Variants in SCN2A observed in about 807,000 individuals in gnomAD.
SCN2A encodes the protein sodium channel protein type 2 subunit alpha.
Under a neutral mutation model 188.7 loss-of-function variants are expected in SCN2A, and 20 were observed. The ratio of observed to expected loss-of-function variants is 0.11; its 90% CI spans 0.07 to 0.15. The LOEUF (loss-of-function observed/expected upper bound fraction) is 0.15. SCN2A is among the 10% of genes least tolerant of loss of function. The pLI is 1.00. For synonymous variants in SCN2A, 804 were observed against 833.1 expected, an observed-to-expected ratio of 0.97 and a Z score of 0.60; for missense variants, 1,278 against 2,445.0, an observed-to-expected ratio of 0.52 and a Z score of 10.07.
chr2:165,288,920 C>T (rs1695976498), intron 1 of SCN2A, among the ~76,000 whole-genome samples: 1 of 151,942 alleles, frequency 6.6e-6, no homozygotes, highest in South Asian at 2.1e-4. Context: ...TTTATGTTTA[C>T]ATTACTGTAA....
chr2:165,255,485 C>T (rs1272299184), intron 1 of SCN2A, among the ~76,000 whole-genome samples: 4 of 151,802 alleles, frequency 2.6e-5, no homozygotes, highest in Non-Finnish European at 4.4e-5. Context: ...TTACTAACCA[C>T]GATTATTAAA....
chr2:165,380,297 G>A (rs1276425401), intron 23 of SCN2A, among the ~76,000 whole-genome samples: 1 of 151,844 alleles, frequency 6.6e-6, no homozygotes, highest in Admixed American at 6.6e-5. Context: ...TTTGCATGCT[G>A]TGTTGGGAAC....
chr2:165,320,815 C>T lies in SCN2A; in HGVS notation c.1672-2341C>T, dbSNP rs1408254558. Among the ~76,000 whole-genome samples, 5 of 152,320 alleles carry T rather than the reference C, an allele frequency of 3.3e-5. No individual in the cohort carries two copies. The Middle Eastern group carries it at 0.01, about 311-fold the overall frequency. Reference sequence around the variant, plus strand: ...CCGGCACATGAAACCACTTTTTCCTCCTAGGCCTCCGAGCCTGTGACGGGA... The same window carrying T: ...CCGGCACATGAAACCACTTTTTCCTTCTAGGCCTCCGAGCCTGTGACGGGA... On this transcript the variant is annotated intron_variant, in intron 11 of 26. Coordinates refer to ENST00000375437, the MANE Select transcript of SCN2A (RefSeq NM_001040142.2).
At chr2:165,240,553 C>G (rs1423729206) in intron 1 of SCN2A, among the ~76,000 whole-genome samples, 1 of 151,974 alleles carries the variant, frequency 6.6e-6, no homozygotes, top group Non-Finnish European at 1.5e-5. Context: ...TATTTAAAAA[C>G]CACTGATTTT....
intron 18 of SCN2A, among the ~76,000 whole-genome samples, chr2:165,366,877 T>C (rs1700759096): frequency 6.6e-6 from 1 of 152,128 alleles, no homozygotes; most frequent in Non-Finnish European, 1.5e-5. Context: ...AAAGTGTCCA[T>C]ATAGAGTGGA....
intron 16 of SCN2A, among the ~76,000 whole-genome samples, chr2:165,345,135 C>T (rs1259940701): frequency 6.6e-6 from 1 of 152,128 alleles, no homozygotes; most frequent in East Asian, 1.9e-4. Context: ...ATCCTTCTTG[C>T]TACAAGGAGA....
intron 13 of SCN2A, among the ~76,000 whole-genome samples, chr2:165,328,836 A>C (rs1434822015): frequency 6.6e-6 from 1 of 152,100 alleles, no homozygotes; most frequent in African/African-American, 2.4e-5. Flanking sequence ...AATAATGGCC[A>C]AGTTTTTATT....
rs1574572514 is a variant in SCN2A at position 165,315,648 on chromosome 2, G to C, written c.1561G>C (p.Asp521His). ...KEQSGEEEKNDRVRKSESEDS... is the reference protein window; with the variant it reads ...KEQSGEEEKNHRVRKSESEDS... The stretch of plus-strand genomic sequence containing the variant: ...ACAGTCTGGAGAAGAAGAGAAAAAT[G>C]ACAGAGTCCGAAAATCGGAATCTGA... The change falls in exon 11 of 27, where the codon GAC (aspartate) becomes CAC (histidine). Residue 521 changes from aspartate to histidine, a missense_variant. Physicochemically the swap from Asp to His is moderately conservative, Grantham distance 81. Coordinates refer to ENST00000375437, the MANE Select transcript of SCN2A (RefSeq NM_001040142.2). The C allele has an allele frequency of 6.2e-7, 1 of 1,614,044 alleles. No homozygotes were observed. Among genetic ancestry groups the C allele is most frequent in the Non-Finnish European group, 8.5e-7 (1 of 1,179,972 alleles).
intron 17 of SCN2A, among the ~76,000 whole-genome samples, chr2:165,364,081 A>T (rs1040087196): frequency 6.6e-6 from 1 of 152,164 alleles, no homozygotes; most frequent in Non-Finnish European, 1.5e-5. Context: ...TACAGCATCC[A>T]TCTTATTCTA....
At chr2:165,322,695 A>T (rs774734373) in intron 11 of SCN2A, among the ~76,000 whole-genome samples, 55 of 152,220 alleles carry the variant, frequency 3.6e-4, no homozygotes, top group Admixed American at 1.2e-3. Flanking sequence ...TAAGATTTGC[A>T]TCAGGGTGTG....
At chr2:165,302,949 C>T (rs1316060879) in intron 3 of SCN2A, among the ~76,000 whole-genome samples, 2 of 152,134 alleles carry the variant, frequency 1.3e-5, no homozygotes, top group South Asian at 2.1e-4. Flanking sequence ...TTATGTATAC[C>T]TGGCATAAAG....
chr2:165,350,016 G>C (rs1699803158), intron 16 of SCN2A, among the ~76,000 whole-genome samples: 1 of 152,220 alleles, frequency 6.6e-6, no homozygotes. Flanking sequence ...CTAGTCTACA[G>C]ACAAGACAGA....
chr2:165,287,192 G>C (rs1167420787), intron 1 of SCN2A, among the ~76,000 whole-genome samples: 1 of 152,186 alleles, frequency 6.6e-6, no homozygotes, highest in Non-Finnish European at 1.5e-5. Context: ...GCCCTGTTTG[G>C]CCCTTGACTT....
In SCN2A at chr2:165,370,139, T is replaced by C. The variant is rs777751518; in HGVS notation, c.3689T>C (p.Ile1230Thr). The change falls in exon 20 of 27, where the codon ATA (isoleucine) becomes ACA (threonine). Residue 1230 changes from isoleucine to threonine, a missense_variant. Coordinates refer to ENST00000375437, the MANE Select transcript of SCN2A (RefSeq NM_001040142.2). ...LSSGALAFED[I>T]YIEQRKTIKT... ...TTTGACTTACAGGCCTTTGAAGATA[T>C]ATACATTGAGCAGCGAAAAACCATT... 5 of 1,613,942 alleles carry C rather than the reference T, an allele frequency of 3.1e-6. No individual in the cohort carries two copies. The highest frequency in any genetic ancestry group is 2.2e-5 in the East Asian group (1 of 44,884).
At chr2:165,340,778 T>C (rs772052901) in intron 14 of SCN2A, among the ~76,000 whole-genome samples, 1 of 152,056 alleles carries the variant, frequency 6.6e-6, no homozygotes, top group Non-Finnish European at 1.5e-5. Flanking sequence ...TCACAGAAGC[T>C]AAGGGCAGAA....
Position 165,388,994 on chromosome 2 carries a change from G to C in SCN2A, c.5188G>C (p.Asp1730His), listed in dbSNP as rs1702018643. The C allele has an allele frequency of 6.2e-7, 1 of 1,614,020 alleles. No individual in the cohort carries two copies. Among genetic ancestry groups the C allele is most frequent in the African/African-American group, 1.3e-5 (1 of 74,916 alleles). The change falls in exon 27 of 27, where the codon GAC (aspartate) becomes CAC (histidine). Residue 1730 changes from aspartate to histidine, a missense_variant. Physicochemically the swap from Asp to His is moderately conservative, Grantham distance 81. Coordinates refer to ENST00000375437, the MANE Select transcript of SCN2A (RefSeq NM_001040142.2). Reference protein sequence around the residue: ...LAPILNSGPPDCDPDKDHPGS... With the variant: ...LAPILNSGPPHCDPDKDHPGS... The stretch of plus-strand genomic sequence containing the variant: ...ACCTATTCTTAATAGTGGACCTCCA[G>C]ACTGTGACCCTGACAAAGATCACCC...
rs534589682 is a variant in SCN2A at position 165,353,890 on chromosome 2, G to T, written c.2920-302G>T. On this transcript the variant is annotated intron_variant, in intron 16 of 26. Coordinates refer to ENST00000375437, the MANE Select transcript of SCN2A (RefSeq NM_001040142.2). ...ATATATCAGCATCCCAAATAAAAGG[G>T]TTTTTTTTGTACAGTTGTCTATATT... Among the ~76,000 whole-genome samples, 5 of 151,350 alleles carry T rather than the reference G, an allele frequency of 3.3e-5. No homozygotes were observed. In the South Asian group the frequency reaches 6.3e-4, roughly 19 times the overall value.
intron 3 of SCN2A, 138 bp downstream of exon 3, chr2:165,297,273 G>T: frequency 3.2e-6 from 2 of 627,548 alleles, no homozygotes; most frequent in Non-Finnish European, 5.8e-6. Context: ...TCGTTAGCAT[G>T]TTGCAAAATG....
chr2:165,310,734 T>C (rs1174943411), intron 7 of SCN2A, 139 bp downstream of exon 7: 3 of 529,586 alleles, frequency 5.7e-6, no homozygotes, highest in East Asian at 3.3e-5. Context: ...ATAAAAGAGA[T>C]ATCAAATGAT....
Sources: allele counts gnomAD v4.1 joint callset (sites outside exome capture counted in the v4.1 genomes callset), GRCh38; gene constraint gnomAD v4.1.1; transcripts MANE v1.5; gene names NCBI Gene and HGNC (gene_info 2026-07-23, HGNC 2026-07-21).